REEP3: variants seen among roughly 807,000 people sequenced by gnomAD.
REEP3 encodes receptor expression-enhancing protein 3.
Under a neutral mutation model 41.3 loss-of-function variants are expected in REEP3, and 20 were observed. The ratio of observed to expected loss-of-function variants is 0.48; its 90% CI spans 0.34 to 0.70. REEP3 has a LOEUF of 0.70. Among genes scored for constraint, REEP3 ranks in the 30% least tolerant of loss-of-function variants. The pLI, the probability that REEP3 is intolerant of heterozygous loss-of-function variation, is 0.01. For missense variants in REEP3, 271 were observed against 308.8 expected (o/e 0.88, Z 0.92); for synonymous variants, 104 against 101.8 (o/e 1.02, Z -0.13).
At chr10:63,610,742 T>C (rs1956271507) in intron 6 of REEP3, among the ~76,000 whole-genome samples, 1 of 152,168 alleles carries the variant, frequency 6.6e-6, no homozygotes, top group Non-Finnish European at 1.5e-5. Context: ...TCTTTTTCTC[T>C]GAATTTTCTC....
intron 1 of REEP3, among the ~76,000 whole-genome samples, chr10:63,526,893 G>A (rs530422002): frequency 7.2e-5 from 11 of 151,982 alleles, no homozygotes; most frequent in African/African-American, 2.4e-4. Flanking sequence ...AATATAGTTC[G>A]CCTTCTTTGT....
chr10:63,578,099 G>A (rs530220809), intron 2 of REEP3, among the ~76,000 whole-genome samples: 1 of 152,140 alleles, frequency 6.6e-6, no homozygotes, highest in African/African-American at 2.4e-5. Flanking sequence ...ATGTATTTAT[G>A]TATGTATTTA....
At chr10:63,533,355 G>C (rs974693270) in intron 1 of REEP3, among the ~76,000 whole-genome samples, 1 of 152,160 alleles carries the variant, frequency 6.6e-6, no homozygotes, top group Non-Finnish European at 1.5e-5. Flanking sequence ...GGTGATATTT[G>C]CCTAATGGAT....
chr10:63,610,281 A>G lies in REEP3; in HGVS notation c.512A>G (p.Gln171Arg), dbSNP rs10995569. 1.2e-3 allele frequency: 1,911 copies of G among 1,582,212 alleles called. 27 individuals are homozygous for G. The African/African-American group carries it at 0.022, about 18-fold the overall frequency. ...GDEPVGQRPY[Q>R]PLPEAKKKSK... ...GAGCCTGTGGGACAAAGACCATACC[A>G]ACCTCTACCAGAAGCAAAAAAGAAA... The change falls in exon 6 of 8, where the codon CAA becomes CGA. Residue 171 changes from glutamine to arginine, a missense_variant. By Grantham distance (43) the Gln-to-Arg change is conservative. Transcript: ENST00000373758.
At chr10:63,539,537 G>A (rs2133349124) in intron 1 of REEP3, among the ~76,000 whole-genome samples, 1 of 152,150 alleles carries the variant, frequency 6.6e-6, no homozygotes, top group East Asian at 1.9e-4. Context: ...GTGTACCTAT[G>A]GTCACAGCTA....
chr10:63,545,733 G>A (rs189336924), intron 1 of REEP3, among the ~76,000 whole-genome samples: 9 of 120,576 alleles, frequency 7.5e-5, no homozygotes, highest in South Asian at 2.8e-4. Context: ...TGTTGCCCAC[G>A]CTGGAGTGCA....
Position 63,619,735 on chromosome 10 carries a change from A to T in REEP3, c.646A>T (p.Thr216Ser), listed in dbSNP as rs370580261. 15 of 1,609,270 alleles carry T rather than the reference A, an allele frequency of 9.3e-6. No individual in the cohort carries two copies. Among genetic ancestry groups the T allele is most frequent in the Non-Finnish European group, 1.3e-5 (15 of 1,177,814 alleles). Residue 216 changes from threonine (T) to serine (S), a missense_variant, in exon 7 of 8, where the codon ACA (threonine) becomes TCA (serine). Transcript: ENST00000373758. ...GCCATATTCAGATAATGAGATGTTA[A>T]CACACAAAGGGCTTCGAAGATCGCA... ...EGPYSDNEML[T>S]HKGLRRSQSM...
Position 63,620,708 on chromosome 10 carries a change from A to G in REEP3, c.712-105A>G, listed in dbSNP as rs1236483693. The G allele has an allele frequency of 4.6e-6, 3 of 647,212 alleles. No homozygotes were observed. In the East Asian group the frequency reaches 8.6e-5, roughly 18 times the overall value. The allele number at this position is 647,212 out of a possible 1,614,324, so 40.1% of individuals were successfully genotyped here. A position where few individuals can be genotyped will look rare whatever the true frequency, so the allele number is the denominator to read the frequency against. On this transcript the variant is annotated intron_variant, in intron 7 of 7. Transcript: ENST00000373758. ...CATTTATTAAGAGAATTCATTCTTT[A>G]TATCAAAAAGGTAAAAAAATTACTA...
intron 1 of REEP3, among the ~76,000 whole-genome samples, chr10:63,545,940 C>T (rs1052814463): frequency 6.6e-6 from 1 of 152,122 alleles, no homozygotes; most frequent in African/African-American, 2.4e-5. Flanking sequence ...GGGAAAGCCT[C>T]TGAGAAGTGG....
At chr10:63,613,177 A>C (rs1380867326) in intron 6 of REEP3, among the ~76,000 whole-genome samples, 1 of 151,998 alleles carries the variant, frequency 6.6e-6, no homozygotes, top group East Asian at 1.9e-4. Flanking sequence ...ACGCCTGGCT[A>C]ATTTTTATAT....
chr10:63,592,478 G>A (rs1956073445), intron 2 of REEP3, among the ~76,000 whole-genome samples: 1 of 152,102 alleles, frequency 6.6e-6, no homozygotes, highest in Non-Finnish European at 1.5e-5. Context: ...GTTTAAAAAA[G>A]CATGATGATT....
chr10:63,539,143 A>G (rs1955502689), intron 1 of REEP3, among the ~76,000 whole-genome samples: 1 of 152,160 alleles, frequency 6.6e-6, no homozygotes, highest in Admixed American at 6.5e-5. Flanking sequence ...TTTAGGTTAA[A>G]TAACACTTTT....
At chr10:63,537,960 C>A (rs12770839) in intron 1 of REEP3, among the ~76,000 whole-genome samples, 35,993 of 143,530 alleles carry the variant, frequency 0.25, 5,440 homozygotes, top group East Asian at 0.36. Context: ...TCTTCCCCCC[C>A]CGACCCCCAT....
chr10:63,543,042 C>A (rs1201172281), intron 1 of REEP3, among the ~76,000 whole-genome samples: 1 of 152,132 alleles, frequency 6.6e-6, no homozygotes, highest in Non-Finnish European at 1.5e-5. Flanking sequence ...AGCCATTCAT[C>A]CAGCAGTAAT....
intron 6 of REEP3, 117 bp from the exon 7 acceptor site, chr10:63,619,538 A>G (rs780247862): frequency 8.7e-5 from 73 of 839,402 alleles, no homozygotes; most frequent in Non-Finnish European, 1.3e-4. Context: ...TCCAGATGCA[A>G]AAAGAGTAAC....
intron 2 of REEP3, among the ~76,000 whole-genome samples, chr10:63,579,041 TGG>T (rs34124994): frequency 7.3e-6 from 1 of 136,938 alleles, no homozygotes; most frequent in Non-Finnish European, 1.6e-5. Flanking sequence ...TGTTTTTTTT[TGG>T]GGGGGGGGAG....
At chr10:63,535,255 A>G (rs35158484) in intron 1 of REEP3, among the ~76,000 whole-genome samples, 2 of 152,202 alleles carry the variant, frequency 1.3e-5, no homozygotes, top group Non-Finnish European at 2.9e-5. Flanking sequence ...ATCAATAATA[A>G]CAATAAATAT....
chr10:63,583,516 G>A (rs1955974839), intron 2 of REEP3, among the ~76,000 whole-genome samples: 1 of 152,204 alleles, frequency 6.6e-6, no homozygotes, highest in South Asian at 2.1e-4. Context: ...AGAGAATGAA[G>A]CATCTCTTTT....
At chr10:63,588,485 C>T (rs1240459104) in intron 2 of REEP3, among the ~76,000 whole-genome samples, 1 of 152,088 alleles carries the variant, frequency 6.6e-6, no homozygotes, top group African/African-American at 2.4e-5. Flanking sequence ...TATATGTACT[C>T]ATCATGTTTT....
Sources: allele counts gnomAD v4.1 joint callset (sites outside exome capture counted in the v4.1 genomes callset), GRCh38; gene constraint gnomAD v4.1.1; transcripts MANE v1.5; gene names NCBI Gene and HGNC (gene_info 2026-07-23, HGNC 2026-07-21).